The following BMP2K variants were observed in gnomAD, a reference collection of about 807,000 sequenced individuals.
BMP2K encodes BMP2 inducible kinase.
In BMP2K, 74 loss-of-function variants were observed where a neutral mutation model predicts 116.0. That is an observed-to-expected ratio of 0.64 (90% CI 0.53 to 0.77). The LOEUF (loss-of-function observed/expected upper bound fraction) is 0.77, where lower values mean the gene tolerates loss of function less well. Among genes scored for constraint, BMP2K ranks in the 30% least tolerant of loss-of-function variants. BMP2K has a pLI of 0.00. For synonymous variants in BMP2K, 486 were observed against 502.5 expected, an observed-to-expected ratio of 0.97 and a Z score of 0.44; for missense variants, 1,365 against 1,403.6, an observed-to-expected ratio of 0.97 and a Z score of 0.44.
chr4:78,899,779 A>G (rs749803615), intron 15 of BMP2K, among the ~76,000 whole-genome samples: 30 of 152,176 alleles, frequency 2.0e-4, no homozygotes, highest in Admixed American at 6.5e-5. Flanking sequence ...CTTGGCAAAA[A>G]TAATGCGGTT....
rs753083008 is a variant in BMP2K at position 78,870,967 on chromosome 4, G to A, written c.1416G>A (p.Gln472=). 6.8e-6 allele frequency: 11 copies of A among 1,609,608 alleles called. No individual in the cohort carries two copies. Among genetic ancestry groups the A allele is most frequent in the African/African-American group, 5.4e-5 (4 of 74,286 alleles). The change falls in exon 11 of 16, where the codon CAG becomes CAA. Residue 472 remains glutamine, a synonymous_variant. Coordinates refer to ENST00000502613, the MANE Select transcript of BMP2K (RefSeq NM_198892.2). The part of the protein sequence containing the change: ...QQQQQQQQQQ[Q]QQQQQQQQQQ... ...AGCAGCAGCAGCAACAGCAACAGCA[G>A]CAGCAGCAACAGCAACAGCAGCAGC...
chr4:78,903,911 A>G (rs889565342), intron 15 of BMP2K, among the ~76,000 whole-genome samples: 1 of 151,976 alleles, frequency 6.6e-6, no homozygotes, highest in African/African-American at 2.4e-5. Flanking sequence ...GAATTTACAG[A>G]TGAGAGTTTT....
intron 2 of BMP2K, among the ~76,000 whole-genome samples, chr4:78,833,083 T>C (rs1430604862): frequency 6.6e-6 from 1 of 152,076 alleles, no homozygotes; most frequent in Non-Finnish European, 1.5e-5. Context: ...CTTTATGGTT[T>C]CTTTTTAGAA....
chr4:78,837,304 C>G (rs1284657034), intron 3 of BMP2K, among the ~76,000 whole-genome samples: 1 of 152,128 alleles, frequency 6.6e-6, no homozygotes, highest in Non-Finnish European at 1.5e-5. Context: ...AATTCTCATT[C>G]ATGCCTTAGC....
At position 78,914,503 on chromosome 4, in the gene BMP2K, C is replaced by T. The variant is rs1359778703; in HGVS notation, c.*2470C>T. 11 of 151,780 alleles carry T rather than the reference C, an allele frequency of 7.2e-5. No homozygotes were observed. Among genetic ancestry groups the T allele is most frequent in the Admixed American group, 6.6e-4 (10 of 15,198 alleles). The allele number at this position is 151,780 out of a possible 1,614,324, so 9.4% of individuals were successfully genotyped here. ...TATACTTTGCATTTTCATTCATCATCCCCCAGAATCATGGTCAAGGTGTAG... is the reference window on the plus strand; with the variant it reads ...TATACTTTGCATTTTCATTCATCATTCCCCAGAATCATGGTCAAGGTGTAG... On this transcript the variant is annotated 3_prime_UTR_variant, in exon 16 of 16. Coordinates refer to ENST00000502613, the MANE Select transcript of BMP2K (RefSeq NM_198892.2).
chr4:78,847,962 A>G lies in BMP2K; in HGVS notation c.750+693A>G, dbSNP rs115978241. Among the ~76,000 whole-genome samples the G allele has an allele frequency of 6.2e-3, 946 of 151,812 alleles. 13 individuals are homozygous for G. Among genetic ancestry groups the G allele is most frequent in the African/African-American group, 0.022 (899 of 41,516 alleles). ...TGACCATATTAGGAATGGAGGAATA[A>G]AATTCTTTGGAAATAGTTCTAGGGT... is the stretch of plus-strand genomic sequence containing the variant. On this transcript the variant is annotated intron_variant, in intron 6 of 15. Coordinates refer to ENST00000502613, the MANE Select transcript of BMP2K (RefSeq NM_198892.2).
At position 78,909,226 on chromosome 4, in the gene BMP2K, T is replaced by C. The variant is rs530232711; in HGVS notation, c.2063-1384T>C. On this transcript the variant is annotated intron_variant, in intron 15 of 15. Coordinates refer to ENST00000502613, the MANE Select transcript of BMP2K (RefSeq NM_198892.2). ...CTAATTTTTCTATTTTTAGTAGAGA[T>C]GGGGTTTCACCATGTTGGCCAGGCT... Among the ~76,000 whole-genome samples the C allele has an allele frequency of 1.5e-4, 23 of 151,990 alleles. No homozygotes were observed. In the South Asian group the frequency reaches 2.3e-3, roughly 15 times the overall value.
chr4:78,787,665 G>T (rs554144799), intron 1 of BMP2K, among the ~76,000 whole-genome samples: 1 of 152,248 alleles, frequency 6.6e-6, no homozygotes, highest in Non-Finnish European at 1.5e-5. Flanking sequence ...TCTCCTTAAG[G>T]CTCCTGGGGA....
At chr4:78,866,600 T>G (rs1372820314) in intron 10 of BMP2K, among the ~76,000 whole-genome samples, 1 of 152,192 alleles carries the variant, frequency 6.6e-6, no homozygotes, top group African/African-American at 2.4e-5. Context: ...TAACTACTGT[T>G]GTTACTATCA....
chr4:78,871,990 A>T lies in BMP2K; in HGVS notation c.1608+42A>T, dbSNP rs755298317. 3.6e-6 allele frequency: 5 copies of T among 1,377,568 alleles called. No individual in the cohort carries two copies. In the Admixed American group the frequency reaches 9.5e-5, roughly 26 times the overall value. The allele number at this position is 1,377,568 out of a possible 1,614,324, so 85.3% of individuals were successfully genotyped here. On this transcript the variant is annotated intron_variant, in intron 12 of 15. Transcript: ENST00000502613. ...CTAGAGATTTCTCTGAGTATACATT[A>T]TGGTGTTGGAATTCACAGTATGAAT...
chr4:78,831,244 A>C (rs992422982), intron 2 of BMP2K, among the ~76,000 whole-genome samples: 1 of 152,256 alleles, frequency 6.6e-6, no homozygotes, highest in African/African-American at 2.4e-5. Flanking sequence ...AACAATTAGA[A>C]AATAACATCA....
intron 3 of BMP2K, among the ~76,000 whole-genome samples, chr4:78,840,557 G>C (rs1190732760): frequency 6.6e-6 from 1 of 151,672 alleles, no homozygotes; most frequent in Non-Finnish European, 1.5e-5. Flanking sequence ...TTAAAGGTGG[G>C]GTATCTCATT....
At chr4:78,865,481 T>A in intron 9 of BMP2K, 76 bp from the exon 10 acceptor site, 1 of 1,381,300 alleles carries the variant, frequency 7.2e-7, no homozygotes, top group Non-Finnish European at 1.0e-6. Context: ...ATCTGTTGAG[T>A]TGGATGCTTT....
At chr4:78,827,552 A>G (rs1229545424) in intron 2 of BMP2K, among the ~76,000 whole-genome samples, 1 of 152,156 alleles carries the variant, frequency 6.6e-6, no homozygotes, top group Non-Finnish European at 1.5e-5. Flanking sequence ...ATGTGTGCTC[A>G]TAGACACATA....
chr4:78,894,167 G>A (rs749617666), intron 15 of BMP2K, among the ~76,000 whole-genome samples: 5 of 152,138 alleles, frequency 3.3e-5, no homozygotes. Flanking sequence ...TAAGGGCCTC[G>A]AAGTTTTGGA....
chr4:78,872,553 C>A (rs1061400), intron 12 of BMP2K, 61 bp from the exon 13 acceptor site: 242,623 of 1,429,470 alleles, frequency 0.17, 22,199 homozygotes, highest in South Asian at 0.28. Context: ...TAAATAGATG[C>A]AGTGCTGACA....
chr4:78,800,259 A>G (rs1269499696), intron 1 of BMP2K, among the ~76,000 whole-genome samples: 2 of 152,162 alleles, frequency 1.3e-5, no homozygotes, highest in Non-Finnish European at 2.9e-5. Context: ...CAGTAGTCCT[A>G]TCCTCCCCTT....
At chr4:78,903,314 T>C (rs1178080691) in intron 15 of BMP2K, among the ~76,000 whole-genome samples, 1 of 152,006 alleles carries the variant, frequency 6.6e-6, no homozygotes, top group Non-Finnish European at 1.5e-5. Context: ...ATCACTAGAG[T>C]CAGATTAGCA....
At chr4:78,871,159 C>G in intron 11 of BMP2K, 99 bp downstream of exon 11, 1 of 1,532,272 alleles carries the variant, frequency 6.5e-7, no homozygotes, top group Non-Finnish European at 8.7e-7. Context: ...ACCTTGAACT[C>G]TAGATTTGAG....
Sources: gnomAD v4.1 joint callset for allele counts (sites outside exome capture counted in the v4.1 genomes callset) on GRCh38, gnomAD v4.1.1 for gene constraint, MANE v1.5 for transcripts, NCBI Gene and HGNC (gene_info 2026-07-23, HGNC 2026-07-21) for gene names.